CDKL4: variants seen among roughly 807,000 people sequenced by gnomAD.
CDKL4 encodes the protein cyclin-dependent kinase-like 4.
In CDKL4, 44 loss-of-function variants were observed where a neutral mutation model predicts 42.0. The observed-to-expected ratio is 1.05, with a 90% CI of 0.82 to 1.35. CDKL4 has a LOEUF of 1.35. CDKL4 is among the 40% of genes most tolerant of loss of function. CDKL4 has a pLI of 0.00. For missense variants in CDKL4, 393 were observed against 369.9 expected, an observed-to-expected ratio of 1.06 and a Z score of -0.51; for synonymous variants, 120 against 121.6, an observed-to-expected ratio of 0.99 and a Z score of 0.09.
At chr2:39,204,744 T>G (rs1001090680) in intron 4 of CDKL4, 127 bp from the exon 5 acceptor site, 1 of 462,034 alleles carries the variant, frequency 2.2e-6, no homozygotes, top group African/African-American at 2.0e-5. Context: ...CCTTCACTTT[T>G]CTAAAAGAAC....
At chr2:39,234,891 ATTTTT>A (rs1302925675) in intron 1 of CDKL4, among the ~76,000 whole-genome samples, 1 of 145,084 alleles carries the variant, frequency 6.9e-6, no homozygotes. Flanking sequence ...TTTAAAAAAA[ATTTTT>A]TTTTTTTTTT....
intron 3 of CDKL4, among the ~76,000 whole-genome samples, chr2:39,225,460 GAAAGGATGTTGA>G (rs899384761): frequency 6.6e-6 from 1 of 151,404 alleles, no homozygotes; most frequent in Non-Finnish European, 1.5e-5. Flanking sequence ...AAAAAATCAG[GAAAGGATGTTGA>G]ATTTATCAAC....
intron 9 of CDKL4, among the ~76,000 whole-genome samples, chr2:39,177,358 G>A (rs556360684): frequency 6.6e-6 from 1 of 151,916 alleles, no homozygotes; most frequent in South Asian, 2.1e-4. Flanking sequence ...TGGGGCAGCT[G>A]ACACTGTGGA....
chr2:39,190,706 C>T (rs919533000), intron 5 of CDKL4, among the ~76,000 whole-genome samples: 1 of 152,112 alleles, frequency 6.6e-6, no homozygotes, highest in African/African-American at 2.4e-5. Flanking sequence ...AGATAATTAA[C>T]ATCTCTTACT....
At chr2:39,199,401 T>G (rs1272294335) in intron 5 of CDKL4, among the ~76,000 whole-genome samples, 1 of 152,044 alleles carries the variant, frequency 6.6e-6, no homozygotes, top group Non-Finnish European at 1.5e-5. Context: ...AGCTAAATTC[T>G]ATCAGACATT....
At chr2:39,180,106 A>C (rs1675351992) in intron 8 of CDKL4, among the ~76,000 whole-genome samples, 1 of 152,208 alleles carries the variant, frequency 6.6e-6, no homozygotes, top group African/African-American at 2.4e-5. Context: ...ATTATGATCC[A>C]TAAAGAGCAG....
At chr2:39,182,349 C>T (rs1675486649) in intron 8 of CDKL4, among the ~76,000 whole-genome samples, 1 of 152,108 alleles carries the variant, frequency 6.6e-6, no homozygotes, top group Non-Finnish European at 1.5e-5. Context: ...TCACTAAATA[C>T]CTATGAATTT....
In CDKL4 at chr2:39,185,418, A is replaced by ATG. The variant is rs1306521128; in HGVS notation, c.736-772_736-771insCA. ...TATATACATATGTGTATATATACAT[A>ATG]TATATATACATATGTATATATACAT... On this transcript the variant is annotated intron_variant, in intron 7 of 9. Coordinates refer to ENST00000451199, the Ensembl canonical transcript of CDKL4. Among the ~76,000 whole-genome samples the ATG allele has an allele frequency of 1.5e-4, 3 of 19,580 alleles. 1 individual carries two copies. Among genetic ancestry groups the ATG allele is most frequent in the Non-Finnish European group, 5.1e-4 (2 of 3,898 alleles). The allele number at this position is 19,580 out of a possible 152,430, so 12.8% of individuals were successfully genotyped here. A position where few individuals can be genotyped will look rare whatever the true frequency, so the allele number is the denominator to read the frequency against.
intron 1 of CDKL4, among the ~76,000 whole-genome samples, chr2:39,230,513 T>G (rs1679034700): frequency 6.6e-6 from 1 of 152,254 alleles, no homozygotes; most frequent in African/African-American, 2.4e-5. Flanking sequence ...TCTATGGAAA[T>G]ACTGGGTTTT....
At chr2:39,239,825 C>T (rs533768442) in intron 1 of CDKL4, among the ~76,000 whole-genome samples, 115 of 152,342 alleles carry the variant, frequency 7.5e-4, no homozygotes, top group African/African-American at 2.8e-3. Flanking sequence ...CATGGTGGCT[C>T]ACGCCTGTAA....
intron 1 of CDKL4, among the ~76,000 whole-genome samples, chr2:39,234,491 G>A (rs77837054): frequency 0.023 from 3,522 of 152,184 alleles, 54 homozygotes; most frequent in Non-Finnish European, 0.037. Flanking sequence ...AAGTCCGAAC[G>A]TATGTACAAC....
chr2:39,221,355 A>G (rs1453962205), intron 3 of CDKL4, among the ~76,000 whole-genome samples: 1 of 151,920 alleles, frequency 6.6e-6, no homozygotes, highest in African/African-American at 2.4e-5. Context: ...TATTTATCCT[A>G]CGTGTTTCCT....
intron 9 of CDKL4, among the ~76,000 whole-genome samples, chr2:39,177,000 C>G (rs1240800753): frequency 6.6e-6 from 1 of 152,008 alleles, no homozygotes; most frequent in Non-Finnish European, 1.5e-5. Context: ...GGACCGGCCT[C>G]GTGTAGGTGC....
At chr2:39,237,913 A>G (rs1573035142) in intron 1 of CDKL4, among the ~76,000 whole-genome samples, 1 of 146,912 alleles carries the variant, frequency 6.8e-6, no homozygotes, top group East Asian at 1.9e-4. Context: ...TATAATGGCA[A>G]CAAACAATTT....
chr2:39,172,184 C>A (rs1345222659), downstream of CDKL4, among the ~76,000 whole-genome samples: 1 of 151,954 alleles, frequency 6.6e-6, no homozygotes, highest in South Asian at 2.1e-4. Context: ...CAGTGGCACA[C>A]ACCTGTAATC....
chr2:39,188,560 C>CAAAAAAAA (rs34568815), intron 6 of CDKL4, among the ~76,000 whole-genome samples: 20 of 45,240 alleles, frequency 4.4e-4, no homozygotes, highest in African/African-American at 2.1e-3. Flanking sequence ...CAGTCCGTCT[C>CAAAAAAAA]AAAAAAAAAA....
chr2:39,170,536 G>C, the CDKL4 span, among the ~76,000 whole-genome samples: 1 of 151,802 alleles, frequency 6.6e-6, no homozygotes, highest in Non-Finnish European at 1.5e-5. Flanking sequence ...GGCTCACTGC[G>C]ACCTCCACCT....
chr2:39,190,116 G>A (rs17023405), intron 6 of CDKL4, among the ~76,000 whole-genome samples, 189 bp downstream of exon 6: 3,594 of 152,242 alleles, frequency 0.024, 53 homozygotes, highest in East Asian at 0.036. Flanking sequence ...GAGGAGTTAC[G>A]GTTCTGCATG....
At chr2:39,218,849 TG>T (rs1165862262) in intron 3 of CDKL4, among the ~76,000 whole-genome samples, 1 of 152,216 alleles carries the variant, frequency 6.6e-6, no homozygotes, top group Non-Finnish European at 1.5e-5. Context: ...TGGCAGATTG[TG>T]GAACTTCTCT....
Sources: gnomAD v4.1 joint callset for allele counts (sites outside exome capture counted in the v4.1 genomes callset) on GRCh38, gnomAD v4.1.1 for gene constraint, MANE v1.5 for transcripts, NCBI Gene and HGNC (gene_info 2026-07-23, HGNC 2026-07-21) for gene names.